Variants in SRRM4 observed in about 807,000 individuals in gnomAD.
SRRM4 encodes serine/arginine repetitive matrix protein 4.
In SRRM4, 33 loss-of-function variants were observed where a neutral mutation model predicts 68.9. That is an observed-to-expected ratio of 0.48 (90% CI 0.36 to 0.64). The LOEUF (loss-of-function observed/expected upper bound fraction) is 0.64. Ranked by LOEUF, SRRM4 falls within the 30% of genes least tolerant of loss-of-function variation. SRRM4 has a pLI of 0.00. For synonymous variants in SRRM4, 318 were observed against 318.8 expected (o/e 1.00, Z 0.03); for missense variants, 817 against 827.1 (o/e 0.99, Z 0.15).
At chr12:119,015,572 T>G (rs189459784) in intron 1 of SRRM4, among the ~76,000 whole-genome samples, 1 of 152,194 alleles carries the variant, frequency 6.6e-6, no homozygotes, top group Non-Finnish European at 1.5e-5. Context: ...TTCTTAACTT[T>G]GTATTTTGAA....
In SRRM4 at chr12:119,160,131, C is replaced by T. The variant is rs1954501185; in HGVS notation, c.*3333C>T. 6.6e-6 allele frequency: 1 copy of T among 152,196 alleles called. No individual in the cohort carries two copies. Among genetic ancestry groups the T allele is most frequent in the African/African-American group, 2.4e-5 (1 of 41,446 alleles). The allele number at this position is 152,196 out of a possible 1,614,324, so 9.4% of individuals were successfully genotyped here. A position where few individuals can be genotyped will look rare whatever the true frequency, so the allele number is the denominator to read the frequency against. ...GGGTTTGGTGAGACTTTTGCAACAT[C>T]CCTGGTTGTTTCCCTGGCAATGTGA... On this transcript the variant is annotated 3_prime_UTR_variant, in exon 13 of 13. Transcript: ENST00000267260.
intron 1 of SRRM4, among the ~76,000 whole-genome samples, chr12:119,007,789 C>A (rs1041285693): frequency 2.6e-5 from 4 of 152,112 alleles, no homozygotes; most frequent in African/African-American, 9.7e-5. Flanking sequence ...TCCTGTAAAC[C>A]AGTACAGACC....
intron 1 of SRRM4, among the ~76,000 whole-genome samples, chr12:118,983,541 C>T (rs185252735): frequency 1.4e-3 from 210 of 152,302 alleles, no homozygotes; most frequent in African/African-American, 4.9e-3. Context: ...ACCTTTGGAA[C>T]GTACCTACTG....
At chr12:119,136,454 T>C (rs73213428) in intron 8 of SRRM4, among the ~76,000 whole-genome samples, 9,349 of 146,658 alleles carry the variant, frequency 0.064, 399 homozygotes, top group Middle Eastern at 0.15. Context: ...GGGGATTTTC[T>C]GGGCCATTGG....
intron 4 of SRRM4, among the ~76,000 whole-genome samples, chr12:119,119,174 A>G (rs1954202142): frequency 6.6e-6 from 1 of 152,022 alleles, no homozygotes; most frequent in African/African-American, 2.4e-5. Flanking sequence ...GGTGCAGCAA[A>G]CCACCATGGC....
chr12:119,057,090 A>G (rs912984798), intron 1 of SRRM4, among the ~76,000 whole-genome samples: 2 of 152,260 alleles, frequency 1.3e-5, no homozygotes, highest in Admixed American at 1.3e-4. Context: ...CTAAGAACAT[A>G]AAAGAAATGA....
At chr12:119,116,487 T>C (rs1049335382) in intron 3 of SRRM4, among the ~76,000 whole-genome samples, 3 of 152,194 alleles carry the variant, frequency 2.0e-5, no homozygotes, top group African/African-American at 7.2e-5. Context: ...AGGAAGCCTT[T>C]CCAGCTTGAC....
At chr12:119,075,933 T>C (rs1953911502) in intron 1 of SRRM4, among the ~76,000 whole-genome samples, 1 of 135,280 alleles carries the variant, frequency 7.4e-6, no homozygotes, top group Non-Finnish European at 1.6e-5. Flanking sequence ...ATGGTGGTGA[T>C]GGTGATGATG....
chr12:119,068,273 G>A (rs1953858199), intron 1 of SRRM4, among the ~76,000 whole-genome samples: 1 of 152,208 alleles, frequency 6.6e-6, no homozygotes, highest in South Asian at 2.1e-4. Flanking sequence ...AGAGCACGTA[G>A]AACCATGTTC....
At chr12:118,990,830 T>C (rs1731727777) in intron 1 of SRRM4, among the ~76,000 whole-genome samples, 2 of 152,182 alleles carry the variant, frequency 1.3e-5, no homozygotes, top group African/African-American at 4.8e-5. Flanking sequence ...TTGGTTTGTT[T>C]TTGTTTTGAG....
At chr12:119,073,312 C>CTTTTTTTTTTT (rs71451813) in intron 1 of SRRM4, among the ~76,000 whole-genome samples, 5 of 103,132 alleles carry the variant, frequency 4.8e-5, no homozygotes, top group Admixed American at 1.0e-4. Flanking sequence ...TCTCTCTCCT[C>CTTTTTTTTTTT]TTTTTTTTTT....
chr12:119,115,063 C>A (rs528783505), intron 3 of SRRM4, among the ~76,000 whole-genome samples: 1 of 151,570 alleles, frequency 6.6e-6, no homozygotes, highest in South Asian at 2.1e-4. Context: ...TCTCTTTTAT[C>A]CCTGACCATT....
intron 1 of SRRM4, among the ~76,000 whole-genome samples, chr12:119,028,648 C>G (rs1004213348): frequency 7.2e-5 from 11 of 152,162 alleles, no homozygotes; most frequent in African/African-American, 2.7e-4. Context: ...CTGTACATAC[C>G]TACAATGGAC....
chr12:119,003,325 C>T (rs867230856), intron 1 of SRRM4, among the ~76,000 whole-genome samples: 9 of 151,820 alleles, frequency 5.9e-5, no homozygotes, highest in Admixed American at 3.9e-4. Context: ...AGCTGTGAGC[C>T]TTCACAGCTT....
In SRRM4 at chr12:119,156,805, CT is replaced by C; in HGVS notation, c.*8del. On this transcript the variant is annotated 3_prime_UTR_variant, in exon 13 of 13. Coordinates refer to ENST00000267260, the MANE Select transcript of SRRM4 (RefSeq NM_194286.4). Reference sequence around the variant, plus strand: ...CTCCAGCACGAGGCGCTAAGTGCCCCTGAGCCAGCTGCCCGTGGGGGCCCCT... The same window carrying C: ...CTCCAGCACGAGGCGCTAAGTGCCCCGAGCCAGCTGCCCGTGGGGGCCCCT... 1 of 1,515,854 alleles carries C rather than the reference CT, an allele frequency of 6.6e-7. No individual in the cohort carries two copies. 93.9% of individuals were successfully genotyped at this position (1,515,854 alleles called of 1,614,324 possible).
chr12:119,082,612 G>A (rs954697249), intron 1 of SRRM4, among the ~76,000 whole-genome samples: 7 of 152,220 alleles, frequency 4.6e-5, no homozygotes, highest in African/African-American at 7.2e-5. Flanking sequence ...GCTGTGATGA[G>A]ATGAAGGCTT....
intron 1 of SRRM4, among the ~76,000 whole-genome samples, chr12:119,073,478 C>T (rs937933597): frequency 6.6e-6 from 1 of 152,040 alleles, no homozygotes; most frequent in African/African-American, 2.4e-5. Flanking sequence ...CAGGCACCTG[C>T]CATGCCCAGC....
rs554995678 is a variant in SRRM4, at chr12:119,137,506, G to C, written c.771+6672G>C. ...CAGGGAGCTGGAGTTCGTGGTGGGG[G>C]GATTTAACTACTTATTAGAAAAACC... is the stretch of plus-strand genomic sequence containing the variant. On this transcript the variant is annotated intron_variant, in intron 8 of 12. Transcript: ENST00000267260. Among the ~76,000 whole-genome samples the C allele has an allele frequency of 4.6e-5, 7 of 151,892 alleles. No homozygotes were observed. The South Asian group carries it at 1.5e-3, about 32-fold the overall frequency.
chr12:119,007,722 G>A (rs1953424388), intron 1 of SRRM4, among the ~76,000 whole-genome samples: 1 of 152,174 alleles, frequency 6.6e-6, no homozygotes, highest in South Asian at 2.1e-4. Flanking sequence ...TTGGTCTTGG[G>A]ACTTGAAATA....
Sources: gnomAD v4.1 joint callset for allele counts (sites outside exome capture counted in the v4.1 genomes callset) on GRCh38, gnomAD v4.1.1 for gene constraint, MANE v1.5 for transcripts, NCBI Gene and HGNC (gene_info 2026-07-23, HGNC 2026-07-21) for gene names.